Variants in TRIM9 observed in about 807,000 individuals in gnomAD.
TRIM9 encodes the protein E3 ubiquitin-protein ligase TRIM9.
A neutral mutation model predicts 78.3 loss-of-function variants in TRIM9; 26 were observed. That is an observed-to-expected ratio of 0.33 (90% CI 0.24 to 0.46). The LOEUF is 0.46. TRIM9 is among the 20% of genes least tolerant of loss of function. The pLI is 1.00. For synonymous variants in TRIM9, 398 were observed against 416.5 expected (o/e 0.96, Z 0.54); for missense variants, 787 against 1,036.4 (o/e 0.76, Z 3.30).
At chr14:51,004,613 T>A (rs926234411) in intron 5 of TRIM9, among the ~76,000 whole-genome samples, 16 of 152,008 alleles carry the variant, frequency 1.1e-4, no homozygotes, top group Non-Finnish European at 1.3e-4. Context: ...TGCCAGAGAG[T>A]GTTGTGAGAG....
intron 1 of TRIM9, among the ~76,000 whole-genome samples, chr14:51,030,614 C>G (rs1301145693): frequency 6.6e-6 from 1 of 151,724 alleles, no homozygotes; most frequent in African/African-American, 2.4e-5. Flanking sequence ...TGTGCATATG[C>G]CTGTGAGTGT....
chr14:51,009,427 C>T (rs779942357), intron 4 of TRIM9, among the ~76,000 whole-genome samples, 194 bp from the exon 5 acceptor site: 1 of 152,152 alleles, frequency 6.6e-6, no homozygotes, highest in Non-Finnish European at 1.5e-5. Context: ...AATCTGAACA[C>T]TTTTGTGAGT....
At chr14:50,990,070 G>A (rs1183617776) in intron 7 of TRIM9, among the ~76,000 whole-genome samples, 1 of 152,168 alleles carries the variant, frequency 6.6e-6, no homozygotes, top group Non-Finnish European at 1.5e-5. Context: ...AGGCTAGAGT[G>A]TAGTGGTGTT....
At chr14:51,013,242 T>C (rs77490431) in intron 3 of TRIM9, among the ~76,000 whole-genome samples, 1 of 135,968 alleles carries the variant, frequency 7.4e-6, no homozygotes, top group Non-Finnish European at 1.6e-5. Context: ...TTTTTTTTTT[T>C]GCATGTGGAT....
At chr14:51,032,049 A>T (rs2058775818) in intron 1 of TRIM9, among the ~76,000 whole-genome samples, 1 of 152,202 alleles carries the variant, frequency 6.6e-6, no homozygotes, top group Non-Finnish European at 1.5e-5. Context: ...GCCCAACCAC[A>T]CAAATATTCA....
intron 1 of TRIM9, among the ~76,000 whole-genome samples, chr14:51,025,961 A>C (rs1242716339): frequency 6.6e-6 from 1 of 152,106 alleles, no homozygotes; most frequent in African/African-American, 2.4e-5. Flanking sequence ...AGCCTCCGAC[A>C]CCAAGGCTTA....
At chr14:51,035,672 A>G (rs749124243) in intron 1 of TRIM9, among the ~76,000 whole-genome samples, 24 of 152,212 alleles carry the variant, frequency 1.6e-4, no homozygotes, top group Admixed American at 5.2e-4. Flanking sequence ...CCAGAGAGAT[A>G]TGTAGAGAAA....
intron 1 of TRIM9, among the ~76,000 whole-genome samples, chr14:51,077,099 T>A (rs1207961157): frequency 6.6e-6 from 1 of 152,220 alleles, no homozygotes; most frequent in Non-Finnish European, 1.5e-5. Flanking sequence ...TAGTTTATTG[T>A]CCATTAACTT....
At chr14:51,074,743 T>C (rs1475112386) in intron 1 of TRIM9, among the ~76,000 whole-genome samples, 1 of 152,188 alleles carries the variant, frequency 6.6e-6, no homozygotes, top group Non-Finnish European at 1.5e-5. Flanking sequence ...AGCTCAAAGC[T>C]GGTCAGTGTG....
At chr14:51,000,258 C>T (rs1305937622) in intron 6 of TRIM9, among the ~76,000 whole-genome samples, 1 of 152,178 alleles carries the variant, frequency 6.6e-6, no homozygotes, top group Non-Finnish European at 1.5e-5. Flanking sequence ...TGAACGCTTG[C>T]TATGTTCTAG....
At chr14:51,023,295 G>A (rs2057931449) in intron 2 of TRIM9, among the ~76,000 whole-genome samples, 1 of 152,176 alleles carries the variant, frequency 6.6e-6, no homozygotes, top group Non-Finnish European at 1.5e-5. Context: ...TATGGTGGAA[G>A]CTGGCATTCA....
intron 1 of TRIM9, among the ~76,000 whole-genome samples, chr14:51,042,520 AAAG>A (rs1403351313): frequency 6.6e-6 from 1 of 152,250 alleles, no homozygotes; most frequent in Non-Finnish European, 1.5e-5. Flanking sequence ...GTCTGTAGTT[AAAG>A]AAGTAATTTT....
In TRIM9 at chr14:50,986,080, T is replaced by G; in HGVS notation, c.1668A>C (p.Arg556Ser). The G allele has an allele frequency of 1.9e-6, 3 of 1,548,766 alleles. No homozygotes were observed. The highest frequency in any genetic ancestry group is 2.6e-6 in the Non-Finnish European group (3 of 1,146,010). ...TAAGGGTGGAGGAGAAAGGACTCATTCTACGGAGCGGCAATCTTTCCGAAG... is the reference window on the plus strand; with the variant it reads ...TAAGGGTGGAGGAGAAAGGACTCATGCTACGGAGCGGCAATCTTTCCGAAG... ...PVPSERLPLRRMSPFSSTLNL... is the reference protein window; with the variant it reads ...PVPSERLPLRSMSPFSSTLNL... Residue 556 changes from arginine (R) to serine (S), a missense_variant, in exon 8 of 13, where the codon AGA becomes AGC. Physicochemically the swap from Arg to Ser is moderately radical, Grantham distance 110. Around this residue, in one of 3 missense-constraint regions of TRIM9, gnomAD observed 421 missense variants for 514.3 expected, o/e 0.82. Coordinates refer to ENST00000684578, the MANE Select transcript of TRIM9 (RefSeq NM_001387360.1).
chr14:51,046,124 T>C (rs1459306863), intron 1 of TRIM9, among the ~76,000 whole-genome samples: 1 of 149,196 alleles, frequency 6.7e-6, no homozygotes, highest in Non-Finnish European at 1.5e-5. Context: ...GAGGACAGTT[T>C]AGTAGTAGCC....
chr14:51,086,405 T>C (rs2063756477), intron 1 of TRIM9, among the ~76,000 whole-genome samples: 1 of 152,224 alleles, frequency 6.6e-6, no homozygotes, highest in African/African-American at 2.4e-5. Context: ...CCAGTACATT[T>C]TAGCAAAAAG....
chr14:51,060,713 C>T (rs1324961632), intron 1 of TRIM9, among the ~76,000 whole-genome samples: 3 of 152,146 alleles, frequency 2.0e-5, no homozygotes, highest in African/African-American at 7.2e-5. Flanking sequence ...GTGATCTGCC[C>T]GCCTCGGCCT....
intron 1 of TRIM9, among the ~76,000 whole-genome samples, chr14:51,031,036 T>TATTCAGTA (rs1368150829): frequency 2.7e-5 from 4 of 150,496 alleles, no homozygotes; most frequent in Non-Finnish European, 5.9e-5. Flanking sequence ...TAACTCCAGC[T>TATTCAGTA]ATTCAGTAGG....
intron 1 of TRIM9, among the ~76,000 whole-genome samples, chr14:51,054,225 C>T (rs1033299261): frequency 6.6e-6 from 1 of 152,166 alleles, no homozygotes; most frequent in Non-Finnish European, 1.5e-5. Context: ...CCACGCCCAA[C>T]CATTGACATC....
At chr14:51,071,299 C>A (rs1054218910) in intron 1 of TRIM9, among the ~76,000 whole-genome samples, 6 of 150,026 alleles carry the variant, frequency 4.0e-5, no homozygotes, top group African/African-American at 1.5e-4. Context: ...TTGCTTGAAC[C>A]CGGGAGGTGG....
Sources: allele counts gnomAD v4.1 joint callset (sites outside exome capture counted in the v4.1 genomes callset), GRCh38; gene constraint gnomAD v4.1.1; regional missense constraint gnomAD v4.1.1; transcripts MANE v1.5; gene names NCBI Gene and HGNC (gene_info 2026-07-23, HGNC 2026-07-21).